AFAP1: variants seen among roughly 807,000 people sequenced by gnomAD.
AFAP1 encodes the protein actin filament associated protein 1, also known as actin filament-associated protein 1.
In AFAP1, 75 loss-of-function variants were observed where a neutral mutation model predicts 93.9. That is an observed-to-expected ratio of 0.80 (90% CI 0.66 to 0.97). The LOEUF is 0.97. AFAP1 is among the 50% of genes least tolerant of loss of function. The pLI is 0.00. For synonymous variants in AFAP1, 517 were observed against 430.7 expected (o/e 1.20, Z -2.48); for missense variants, 1,201 against 1,050.8 (o/e 1.14, Z -1.98).
intron 1 of AFAP1, among the ~76,000 whole-genome samples, chr4:7,900,418 T>A (rs1051389138): frequency 9.6e-6 from 1 of 104,244 alleles, no homozygotes; most frequent in Admixed American, 9.2e-5. Context: ...TGAAGTTGTA[T>A]GCTAAAATAA....
chr4:7,807,668 C>T (rs1719645476), intron 9 of AFAP1, among the ~76,000 whole-genome samples: 1 of 152,234 alleles, frequency 6.6e-6, no homozygotes, highest in South Asian at 2.1e-4. Context: ...AACAGGACCC[C>T]TCTGCAAGAC....
chr4:7,898,941 A>G (rs575430100), intron 1 of AFAP1, among the ~76,000 whole-genome samples: 36 of 150,696 alleles, frequency 2.4e-4, no homozygotes, highest in Non-Finnish European at 4.6e-4. Flanking sequence ...ATATAAATGT[A>G]TATATAATGT....
chr4:7,855,503 C>T lies in AFAP1; in HGVS notation c.297G>A (p.Pro99=), dbSNP rs61742221. 617,472 of 1,612,320 alleles carry T rather than the reference C, an allele frequency of 0.38. 128,824 individuals carry two copies. Among genetic ancestry groups the T allele is most frequent in the Non-Finnish European group, 0.44 (514,296 of 1,178,818 alleles). ...LPEGYYEEAV[P]LSPGKAPEYI... The stretch of plus-strand genomic sequence containing the variant: ...ATTCCGGAGCTTTTCCGGGGCTCAG[C>T]GGCACAGCTTCCTCATAATAACCTT... The change falls in exon 4 of 18, where the codon CCG becomes CCA. Residue 99 remains proline (P), a synonymous_variant. Coordinates refer to ENST00000420658, the MANE Select transcript of AFAP1 (RefSeq NM_001134647.2).
At chr4:7,850,504 C>G (rs1714308385) in intron 4 of AFAP1, among the ~76,000 whole-genome samples, 1 of 152,252 alleles carries the variant, frequency 6.6e-6, no homozygotes, top group Non-Finnish European at 1.5e-5. Flanking sequence ...GAAACCAAAA[C>G]AGCCAATGAG....
Position 7,840,060 on chromosome 4 carries a change from G to A in AFAP1, c.547-1357C>T, listed in dbSNP as rs1026285553. ...GGCTCATTCTGCAGATTATGAAACC[G>A]AGGTGCAGCTGGTTAAGTCACCTGC... On this transcript the variant is annotated intron_variant, in intron 5 of 17. Transcript: ENST00000420658. Among the ~76,000 whole-genome samples, 7 of 152,056 alleles carry A rather than the reference G, an allele frequency of 4.6e-5. No individual in the cohort carries two copies. The East Asian group carries it at 5.8e-4, about 13-fold the overall frequency.
chr4:7,817,023 C>G (rs148829379), intron 7 of AFAP1, among the ~76,000 whole-genome samples: 13 of 152,296 alleles, frequency 8.5e-5, no homozygotes, highest in Middle Eastern at 6.8e-3. Context: ...GCCAGGTGCT[C>G]ACGGTACTGC....
intron 1 of AFAP1, among the ~76,000 whole-genome samples, chr4:7,879,260 C>T (rs1318629206): frequency 6.6e-6 from 1 of 152,196 alleles, no homozygotes; most frequent in Non-Finnish European, 1.5e-5. Context: ...TCCAAAATAA[C>T]TGTCTGCATT....
At chr4:7,824,757 C>T (rs909129804) in intron 6 of AFAP1, among the ~76,000 whole-genome samples, 9 of 151,712 alleles carry the variant, frequency 5.9e-5, no homozygotes, top group Admixed American at 1.3e-4. Flanking sequence ...GCTGAGGGAA[C>T]GGGAGGAAGG....
chr4:7,765,101 CTCAA>C (rs150464610), intron 17 of AFAP1, among the ~76,000 whole-genome samples: 14 of 151,936 alleles, frequency 9.2e-5, no homozygotes, highest in South Asian at 2.1e-4. Flanking sequence ...AAGACCCTGT[CTCAA>C]TCAATCAATC....
At position 7,918,636 on chromosome 4, in the gene AFAP1, T is replaced by A. The variant is rs529841017; in HGVS notation, c.-3+21020A>T. Among the ~76,000 whole-genome samples, 9 of 137,918 alleles carry A rather than the reference T, an allele frequency of 6.5e-5. No individual in the cohort carries two copies. In the South Asian group the frequency reaches 2.2e-3, roughly 34 times the overall value. The allele number at this position is 137,918 out of a possible 152,430, so 90.5% of individuals were successfully genotyped here. On this transcript the variant is annotated intron_variant, in intron 1 of 17. Transcript: ENST00000420658. Reference sequence around the variant, plus strand: ...GGCCCAGGTCACCAGGAAACAGGGCTGCCGGATGAGACACTCGGCCCAGGT... The same window carrying A: ...GGCCCAGGTCACCAGGAAACAGGGCAGCCGGATGAGACACTCGGCCCAGGT...
chr4:7,886,044 C>T (rs938244529), intron 1 of AFAP1, among the ~76,000 whole-genome samples: 1 of 152,190 alleles, frequency 6.6e-6, no homozygotes, highest in Non-Finnish European at 1.5e-5. Context: ...AAATGCGCTG[C>T]TTAAAGGTAG....
chr4:7,776,509 G>C (rs370863269), intron 14 of AFAP1: 3 of 152,152 alleles, frequency 2.0e-5, no homozygotes, highest in Non-Finnish European at 2.9e-5. Flanking sequence ...CCATATCAGC[G>C]ATAAGTGATT....
At chr4:7,849,609 T>C (rs28418478) in intron 4 of AFAP1, among the ~76,000 whole-genome samples, 119,588 of 152,062 alleles carry the variant, frequency 0.79, 47,362 homozygotes, top group East Asian at 0.94. Flanking sequence ...GGAGCTGCTC[T>C]TTCAGGTCTC....
chr4:7,899,841 G>A (rs1257861971), intron 1 of AFAP1, among the ~76,000 whole-genome samples: 1 of 121,588 alleles, frequency 8.2e-6, no homozygotes, highest in Non-Finnish European at 2.0e-5. Context: ...GGCCACCTGA[G>A]GGGTTGTGCT....
rs368022363 is a variant in AFAP1 at position 7,873,529 on chromosome 4, T to C, written c.-2-1449A>G. ...ACGCCCAGCTAATTTTTTGTATTTTTAGTAGAGACGGGGTTTCACCGTGTT... is the reference window on the plus strand; with the variant it reads ...ACGCCCAGCTAATTTTTTGTATTTTCAGTAGAGACGGGGTTTCACCGTGTT... On this transcript the variant is annotated intron_variant, in intron 1 of 17. Coordinates refer to ENST00000420658, the MANE Select transcript of AFAP1 (RefSeq NM_001134647.2). Among the ~76,000 whole-genome samples the C allele has an allele frequency of 1.4e-3, 215 of 151,354 alleles. 1 individual carries two copies. In the Middle Eastern group the frequency reaches 0.017, roughly 12 times the overall value.
At chr4:7,819,341 T>C (rs917442493) in intron 6 of AFAP1, among the ~76,000 whole-genome samples, 170 bp from the exon 7 acceptor site, 5 of 152,210 alleles carry the variant, frequency 3.3e-5, no homozygotes, top group Non-Finnish European at 7.3e-5. Context: ...CACTCACCCA[T>C]GCATTCATTC....
chr4:7,813,059 T>TC, intron 8 of AFAP1, among the ~76,000 whole-genome samples: 1 of 152,214 alleles, frequency 6.6e-6, no homozygotes, highest in South Asian at 2.1e-4. Context: ...AAACAGGAGT[T>TC]CCAGAGTCGT....
At chr4:7,862,466 A>C (rs1232640032) in intron 3 of AFAP1, among the ~76,000 whole-genome samples, 2 of 149,630 alleles carry the variant, frequency 1.3e-5, no homozygotes, top group Non-Finnish European at 3.0e-5. Context: ...CAGAGTTTCC[A>C]TTTGGGATAA....
At chr4:7,823,434 T>G (rs1490883846) in intron 6 of AFAP1, among the ~76,000 whole-genome samples, 2 of 149,648 alleles carry the variant, frequency 1.3e-5, no homozygotes, top group East Asian at 4.1e-4. Flanking sequence ...GAGGAAAAAG[T>G]GTTGTTTTGT....
Sources: allele counts gnomAD v4.1 joint callset (sites outside exome capture counted in the v4.1 genomes callset), GRCh38; gene constraint gnomAD v4.1.1; transcripts MANE v1.5; gene names NCBI Gene and HGNC (gene_info 2026-07-23, HGNC 2026-07-21).